The following SLX4IP variants were observed in gnomAD, a reference collection of about 807,000 sequenced individuals.
SLX4IP encodes the protein protein SLX4IP.
A neutral mutation model predicts 32.9 loss-of-function variants in SLX4IP; 34 were observed. The observed-to-expected ratio is 1.03, with a 90% CI of 0.79 to 1.38. The LOEUF is 1.38. SLX4IP is among the 40% of genes most tolerant of loss of function. SLX4IP has a pLI of 0.00. For missense variants in SLX4IP, 444 were observed against 479.0 expected (o/e 0.93, Z 0.68); for synonymous variants, 172 against 171.7 (o/e 1.00, Z -0.01).
chr20:10,484,949 A>G lies in SLX4IP; in HGVS notation c.27+26718A>G, dbSNP rs529539635. 3.3e-5 allele frequency among the ~76,000 whole-genome samples: 5 copies of G among 152,254 alleles called. No homozygotes were observed. The East Asian group carries it at 9.7e-4, about 30-fold the overall frequency. On this transcript the variant is annotated intron_variant, in intron 2 of 7. Transcript: ENST00000334534. ...GAATGCACACAGGGAGAGTGCACTC[A>G]GAAATGAAGGTAGAAATGAAGATGG... is the stretch of plus-strand genomic sequence containing the variant.
At chr20:10,589,101 G>A (rs1388889429) in intron 4 of SLX4IP, among the ~76,000 whole-genome samples, 1 of 152,080 alleles carries the variant, frequency 6.6e-6, no homozygotes, top group Non-Finnish European at 1.5e-5. Context: ...GGGGAAAAAA[G>A]ATTTAATAGG....
chr20:10,520,432 G>A (rs2065893082), intron 2 of SLX4IP, among the ~76,000 whole-genome samples: 1 of 152,186 alleles, frequency 6.6e-6, no homozygotes, highest in African/African-American at 2.4e-5. Flanking sequence ...TCAGGTATAT[G>A]ATTTGAAAGC....
At chr20:10,517,892 GA>G (rs1477620712) in intron 2 of SLX4IP, among the ~76,000 whole-genome samples, 2 of 152,172 alleles carry the variant, frequency 1.3e-5, no homozygotes, top group African/African-American at 4.8e-5. Context: ...GTTCCTTCCA[GA>G]AGGAAAATTT....
At chr20:10,526,952 AAG>A (rs1446487751) in intron 2 of SLX4IP, among the ~76,000 whole-genome samples, 1 of 152,170 alleles carries the variant, frequency 6.6e-6, no homozygotes, top group African/African-American at 2.4e-5. Context: ...CATCCCAAAA[AAG>A]AGAGAGACAG....
chr20:10,449,098 T>C (rs1352597203), intron 1 of SLX4IP, among the ~76,000 whole-genome samples: 1 of 152,218 alleles, frequency 6.6e-6, no homozygotes, highest in Admixed American at 6.5e-5. Flanking sequence ...ATTCACCGTT[T>C]AATTCATCCC....
chr20:10,479,055 C>T (rs1473104638), intron 2 of SLX4IP, among the ~76,000 whole-genome samples: 1 of 152,228 alleles, frequency 6.6e-6, no homozygotes, highest in East Asian at 1.9e-4. Flanking sequence ...CTACTCAGGC[C>T]TCTGCCCAGA....
At chr20:10,492,822 T>C (rs1030754073) in intron 2 of SLX4IP, among the ~76,000 whole-genome samples, 2 of 152,212 alleles carry the variant, frequency 1.3e-5, no homozygotes, top group Non-Finnish European at 2.9e-5. Context: ...TAATTAGTTA[T>C]CTCAGAACAG....
chr20:10,493,859 CTTTT>C lies in SLX4IP; in HGVS notation c.27+35647_27+35650del, dbSNP rs58299545. Among the ~76,000 whole-genome samples the C allele has an allele frequency of 2.8e-3, 194 of 70,544 alleles. 2 individuals carry two copies. Among genetic ancestry groups the C allele is most frequent in the African/African-American group, 9.7e-3 (168 of 17,346 alleles). The allele number at this position is 70,544 out of a possible 152,430, so 46.3% of individuals were successfully genotyped here. On this transcript the variant is annotated intron_variant, in intron 2 of 7. Coordinates refer to ENST00000334534, the MANE Select transcript of SLX4IP (RefSeq NM_001009608.3). ...ACTGAAGTGTTTTTTTTATAGTTGCCTTTTTTTTTTTTTTTTTTTTTTGAGTCAG... is the reference window on the plus strand; with the variant it reads ...ACTGAAGTGTTTTTTTTATAGTTGCCTTTTTTTTTTTTTTTTTTGAGTCAG...
At position 10,560,766 on chromosome 20, in the gene SLX4IP, C is replaced by T. The variant is rs758105551; in HGVS notation, c.184C>T (p.Gln62Ter). 1.9e-6 allele frequency: 3 copies of T among 1,608,100 alleles called. No individual in the cohort carries two copies. The highest frequency in any genetic ancestry group is 1.7e-5 in the Admixed American group (1 of 58,954). ...TCAGGAGTACTTGGAAGTTCGCAAA[C>T]AGCACAGGCCATCAAATGCAGAATT... ...RVQEYLEVRK[Q>*]HRPSNAEFTR... Residue 62 changes from glutamine to a stop codon, truncating the protein, a stop_gained, in exon 4 of 8, where the codon CAG becomes TAG. Coordinates refer to ENST00000334534, the MANE Select transcript of SLX4IP (RefSeq NM_001009608.3). LOFTEE classifies it high-confidence loss of function.
rs560582947 is a variant in SLX4IP, at chr20:10,477,984, C to T, written c.27+19753C>T. ...CGTGATCTTGGCTCACTGCAACCTC[C>T]GCTTCCCAGGTTCAAGCAATTCTCC... On this transcript the variant is annotated intron_variant, in intron 2 of 7. Transcript: ENST00000334534. Among the ~76,000 whole-genome samples the T allele has an allele frequency of 9.2e-5, 14 of 151,718 alleles. No individual in the cohort carries two copies. In the East Asian group the frequency reaches 1.2e-3, roughly 13 times the overall value.
intron 2 of SLX4IP, among the ~76,000 whole-genome samples, chr20:10,496,429 A>G (rs972153095): frequency 6.6e-6 from 1 of 152,196 alleles, no homozygotes; most frequent in African/African-American, 2.4e-5. Flanking sequence ...ACTCAATGCA[A>G]GTAGCAGAAA....
chr20:10,538,641 T>A (rs560636215), intron 2 of SLX4IP, among the ~76,000 whole-genome samples: 1 of 152,112 alleles, frequency 6.6e-6, no homozygotes, highest in Non-Finnish European at 1.5e-5. Flanking sequence ...TTCTCCTGCC[T>A]CAGGCTCCTG....
chr20:10,526,294 A>T (rs1239127558), intron 2 of SLX4IP, among the ~76,000 whole-genome samples: 1 of 152,230 alleles, frequency 6.6e-6, no homozygotes, highest in Non-Finnish European at 1.5e-5. Context: ...GCTCTTTCTC[A>T]ATTATAATTT....
chr20:10,510,098 A>G (rs183682546), intron 2 of SLX4IP, among the ~76,000 whole-genome samples: 81 of 152,360 alleles, frequency 5.3e-4, no homozygotes, highest in African/African-American at 1.6e-3. Flanking sequence ...GCCTAATGTT[A>G]TAATATTAAG....
intron 2 of SLX4IP, among the ~76,000 whole-genome samples, chr20:10,483,829 G>A (rs2065548069): frequency 7.6e-6 from 1 of 131,066 alleles, no homozygotes; most frequent in Admixed American, 9.9e-5. Context: ...AACCTAGGAA[G>A]GAGTTTCTGA....
chr20:10,547,237 C>G (rs961048286), intron 2 of SLX4IP, among the ~76,000 whole-genome samples: 8 of 152,122 alleles, frequency 5.3e-5, no homozygotes, highest in Non-Finnish European at 1.0e-4. Context: ...AAGCTGCTGT[C>G]AAAGTCATTT....
intron 2 of SLX4IP, among the ~76,000 whole-genome samples, chr20:10,518,483 CT>C (rs1568720281): frequency 0.023 from 1,302 of 56,426 alleles, 67 homozygotes; most frequent in Non-Finnish European, 0.036. Flanking sequence ...TTTTCCTTTC[CT>C]TTCCTTTTCC....
At chr20:10,621,242 C>A in intron 6 of SLX4IP, 72 bp from the exon 7 acceptor site, 2 of 1,320,020 alleles carry the variant, frequency 1.5e-6, no homozygotes, top group Non-Finnish European at 2.2e-6. Context: ...TTGGGGCATT[C>A]AGAGTGTAAC....
chr20:10,570,857 T>C (rs1568747025), intron 4 of SLX4IP, among the ~76,000 whole-genome samples: 1 of 151,994 alleles, frequency 6.6e-6, no homozygotes, highest in Non-Finnish European at 1.5e-5. Flanking sequence ...TGAGACAGGG[T>C]CTTGCTCTGT....
Sources: allele counts gnomAD v4.1 joint callset (sites outside exome capture counted in the v4.1 genomes callset), GRCh38; gene constraint gnomAD v4.1.1; transcripts MANE v1.5; gene names NCBI Gene and HGNC (gene_info 2026-07-23, HGNC 2026-07-21).